Variants in SNX30 observed in about 807,000 individuals in gnomAD.
SNX30 encodes the protein sorting nexin family member 30, also known as sorting nexin-30.
In SNX30, 24 loss-of-function variants were observed where a neutral mutation model predicts 46.4. The observed-to-expected ratio is 0.52, with a 90% CI of 0.37 to 0.73. SNX30 has a LOEUF of 0.73. Ranked by LOEUF, SNX30 falls within the 30% of genes least tolerant of loss-of-function variation. The probability of loss-of-function intolerance (pLI) is 0.00; values close to 1 mark genes in which losing one functional copy is unlikely to be tolerated. For missense variants in SNX30, 533 were observed against 555.7 expected (o/e 0.96, Z 0.41); for synonymous variants, 189 against 211.5 (o/e 0.89, Z 0.92).
intron 6 of SNX30, among the ~76,000 whole-genome samples, chr9:112,842,101 G>A (rs1840869769): frequency 6.6e-6 from 1 of 152,138 alleles, no homozygotes; most frequent in Non-Finnish European, 1.5e-5. Context: ...ACATCACCAC[G>A]CCTGGCTAAT....
At chr9:112,816,957 CA>C (rs1840406276) in intron 2 of SNX30, among the ~76,000 whole-genome samples, 1 of 152,128 alleles carries the variant, frequency 6.6e-6, no homozygotes, top group African/African-American at 2.4e-5. Flanking sequence ...GCTGCAATCA[CA>C]TTTCAGAAAA....
chr9:112,751,969 C>T (rs536493894), intron 1 of SNX30, among the ~76,000 whole-genome samples: 1 of 152,254 alleles, frequency 6.6e-6, no homozygotes, highest in South Asian at 2.1e-4. Context: ...GTGAAGGAGA[C>T]TTGAGCAGTG....
chr9:112,830,505 A>G (rs117085941), intron 3 of SNX30, among the ~76,000 whole-genome samples: 1 of 152,232 alleles, frequency 6.6e-6, no homozygotes, highest in East Asian at 1.9e-4. Flanking sequence ...TATTTCAGAG[A>G]CTATAATTTA....
At chr9:112,775,653 G>A (rs775417242) in intron 1 of SNX30, among the ~76,000 whole-genome samples, 2 of 149,324 alleles carry the variant, frequency 1.3e-5, no homozygotes, top group Non-Finnish European at 3.0e-5. Flanking sequence ...TCTTCCTTTT[G>A]CCCAGGGCCT....
At chr9:112,755,346 C>T (rs547384167) in intron 1 of SNX30, among the ~76,000 whole-genome samples, 56 of 152,056 alleles carry the variant, frequency 3.7e-4, no homozygotes, top group African/African-American at 1.2e-3. Context: ...GCTGGTGTGT[C>T]GGGGAGCAGC....
At chr9:112,806,165 T>C (rs1840221466) in intron 2 of SNX30, among the ~76,000 whole-genome samples, 1 of 152,160 alleles carries the variant, frequency 6.6e-6, no homozygotes, top group African/African-American at 2.4e-5. Flanking sequence ...GGCAGGAGTG[T>C]TCTCTTGGTC....
At chr9:112,792,686 A>G (rs1840045969) in intron 1 of SNX30, among the ~76,000 whole-genome samples, 1 of 152,192 alleles carries the variant, frequency 6.6e-6, no homozygotes, top group South Asian at 2.1e-4. Context: ...TCGGTCTCCC[A>G]AAGTGCTGGG....
intron 1 of SNX30, among the ~76,000 whole-genome samples, chr9:112,782,186 C>T (rs1035690097): frequency 2.6e-5 from 4 of 152,102 alleles, no homozygotes; most frequent in African/African-American, 9.7e-5. Flanking sequence ...CCTGCCTCAG[C>T]CTCCCGAGTA....
intron 8 of SNX30, among the ~76,000 whole-genome samples, chr9:112,866,231 G>A (rs893783388): frequency 3.9e-5 from 6 of 152,118 alleles, no homozygotes; most frequent in Non-Finnish European, 7.4e-5. Flanking sequence ...GGAAAAGAAC[G>A]GGAAACTGGG....
intron 4 of SNX30, 53 bp downstream of exon 4, chr9:112,830,936 T>G: frequency 6.5e-7 from 1 of 1,530,834 alleles, no homozygotes; most frequent in Non-Finnish European, 8.8e-7. Context: ...CTTGGGGCTC[T>G]TTCCTAAAAG....
chr9:112,823,846 G>A (rs1438356204), intron 3 of SNX30, among the ~76,000 whole-genome samples: 2 of 151,998 alleles, frequency 1.3e-5, no homozygotes, highest in African/African-American at 4.8e-5. Flanking sequence ...TGAAACATTG[G>A]TTCAACTTCC....
intron 6 of SNX30, among the ~76,000 whole-genome samples, chr9:112,846,062 G>T (rs1307861996): frequency 6.6e-6 from 1 of 151,622 alleles, no homozygotes; most frequent in Non-Finnish European, 1.5e-5. Flanking sequence ...AACCATAATA[G>T]GAATAAAAAA....
At chr9:112,850,621 G>A (rs972661909) in intron 6 of SNX30, among the ~76,000 whole-genome samples, 8 of 152,174 alleles carry the variant, frequency 5.3e-5, no homozygotes, top group African/African-American at 1.9e-4. Flanking sequence ...TCCTTTCAGC[G>A]TCAGGTTTTA....
intron 6 of SNX30, among the ~76,000 whole-genome samples, chr9:112,847,731 A>G (rs1359433931): frequency 6.6e-6 from 1 of 152,208 alleles, no homozygotes; most frequent in Non-Finnish European, 1.5e-5. Context: ...AATCACAACA[A>G]AATGTTCTAA....
intron 1 of SNX30, among the ~76,000 whole-genome samples, chr9:112,793,039 A>G (rs1366710784): frequency 6.6e-6 from 1 of 152,032 alleles, no homozygotes; most frequent in Non-Finnish European, 1.5e-5. Flanking sequence ...GTGATGAGCT[A>G]ATGCCATTTT....
intron 1 of SNX30, among the ~76,000 whole-genome samples, chr9:112,783,983 C>G (rs1016958592): frequency 6.6e-6 from 1 of 152,170 alleles, no homozygotes; most frequent in Non-Finnish European, 1.5e-5. Flanking sequence ...AGGATGGGCT[C>G]TGTAGATGGC....
chr9:112,756,784 C>G (rs1469152292), intron 1 of SNX30, among the ~76,000 whole-genome samples: 1 of 152,196 alleles, frequency 6.6e-6, no homozygotes, highest in Non-Finnish European at 1.5e-5. Flanking sequence ...AACAGTTCAT[C>G]TGCTCTCTCC....
downstream of SNX30, chr9:112,877,307 A>G (rs62576455): frequency 0.14 from 21,888 of 152,240 alleles, 1,927 homozygotes; most frequent in African/African-American, 0.23. Flanking sequence ...AGCACGGTCA[A>G]TGTGGACAAG....
chr9:112,854,691 G>T (rs773067609), intron 7 of SNX30, among the ~76,000 whole-genome samples: 1 of 152,230 alleles, frequency 6.6e-6, no homozygotes, highest in Non-Finnish European at 1.5e-5. Context: ...TGGGTCTGGG[G>T]CAGCAGCTGC....
Sources: allele counts gnomAD v4.1 joint callset (sites outside exome capture counted in the v4.1 genomes callset), GRCh38; gene constraint gnomAD v4.1.1; transcripts MANE v1.5; gene names NCBI Gene and HGNC (gene_info 2026-07-23, HGNC 2026-07-21).